The following TMEM117 variants were observed in gnomAD, a reference collection of about 807,000 sequenced individuals.
TMEM117 encodes transmembrane protein 117.
In TMEM117, 27 loss-of-function variants were observed where a neutral mutation model predicts 52.4. That is an observed-to-expected ratio of 0.51 (90% CI 0.38 to 0.71). The LOEUF is 0.71. Ranked by LOEUF, TMEM117 falls within the 30% of genes least tolerant of loss-of-function variation. The pLI, the probability that TMEM117 is intolerant of heterozygous loss-of-function variation, is 0.00. For synonymous variants in TMEM117, 215 were observed against 206.3 expected (o/e 1.04, Z -0.36); for missense variants, 556 against 630.5 (o/e 0.88, Z 1.26).
intron 3 of TMEM117, 41 bp from the exon 4 acceptor site, chr12:44,143,482 ACT>A: frequency 1.3e-6 from 2 of 1,482,426 alleles, no homozygotes; most frequent in Non-Finnish European, 9.3e-7. Flanking sequence ...TAACTGTATG[ACT>A]CTCTGAGTCC....
intron 4 of TMEM117, among the ~76,000 whole-genome samples, chr12:44,179,394 C>T (rs1436131177): frequency 6.6e-6 from 1 of 152,172 alleles, no homozygotes; most frequent in Non-Finnish European, 1.5e-5. Flanking sequence ...ACAATGCAAG[C>T]ATCAGTCTGA....
chr12:44,047,252 G>T lies in TMEM117; in HGVS notation c.411-96273G>T, dbSNP rs548050438. Reference sequence around the variant, plus strand: ...TTGATTCTGTTATTTTTTGCTCTCTGCATTCAGGTTGCTTATTTCCTCTTG... The same window carrying T: ...TTGATTCTGTTATTTTTTGCTCTCTTCATTCAGGTTGCTTATTTCCTCTTG... On this transcript the variant is annotated intron_variant, in intron 3 of 7. Transcript: ENST00000266534. Among the ~76,000 whole-genome samples, 12 of 152,140 alleles carry T rather than the reference G, an allele frequency of 7.9e-5. No individual in the cohort carries two copies. The South Asian group carries it at 2.5e-3, about 31-fold the overall frequency.
At chr12:44,021,420 A>G (rs1226029941) in intron 3 of TMEM117, among the ~76,000 whole-genome samples, 1 of 152,182 alleles carries the variant, frequency 6.6e-6, no homozygotes, top group African/African-American at 2.4e-5. Flanking sequence ...AGCCTCATCC[A>G]TGTTCCTGTG....
chr12:44,319,224 C>G (rs1951099539), intron 6 of TMEM117, among the ~76,000 whole-genome samples: 1 of 152,172 alleles, frequency 6.6e-6, no homozygotes, highest in Admixed American at 6.5e-5. Flanking sequence ...TTGTATGCAC[C>G]TGGATTAAAA....
intron 2 of TMEM117, among the ~76,000 whole-genome samples, chr12:43,918,122 T>C (rs1225404810): frequency 6.6e-6 from 1 of 152,160 alleles, no homozygotes; most frequent in Non-Finnish European, 1.5e-5. Context: ...TTGACAAAAA[T>C]ATAGCCTACA....
intron 2 of TMEM117, among the ~76,000 whole-genome samples, chr12:43,892,449 C>T (rs1295104706): frequency 6.6e-6 from 1 of 152,116 alleles, no homozygotes; most frequent in Non-Finnish European, 1.5e-5. Flanking sequence ...TAAGCCATAT[C>T]GTTTATATAA....
intron 7 of TMEM117, among the ~76,000 whole-genome samples, chr12:44,377,546 T>C (rs1951959250): frequency 6.6e-6 from 1 of 152,214 alleles, no homozygotes. Context: ...TCATGACATA[T>C]CAGTCATTCT....
chr12:44,266,373 C>T (rs774606268), intron 5 of TMEM117, among the ~76,000 whole-genome samples: 4 of 152,056 alleles, frequency 2.6e-5, no homozygotes, highest in African/African-American at 4.8e-5. Context: ...TTCCTAATGA[C>T]TATACTGAGC....
chr12:44,117,384 G>A (rs971410754), intron 3 of TMEM117, among the ~76,000 whole-genome samples: 1 of 151,892 alleles, frequency 6.6e-6, no homozygotes, highest in African/African-American at 2.4e-5. Context: ...TCAAGGTGTT[G>A]CAGTTGTCCT....
At chr12:44,050,187 T>C (rs1359838590) in intron 3 of TMEM117, among the ~76,000 whole-genome samples, 4 of 152,182 alleles carry the variant, frequency 2.6e-5, no homozygotes, top group Non-Finnish European at 5.9e-5. Context: ...CAGAGCTTCT[T>C]TGTTTTTGAG....
chr12:43,820,516 G>A, the TMEM117 span, among the ~76,000 whole-genome samples: 3 of 149,232 alleles, frequency 2.0e-5, no homozygotes, highest in South Asian at 6.4e-4. Flanking sequence ...CTCGTGATCC[G>A]CCCACCTCAG....
chr12:44,263,108 C>G (rs1404551022), intron 5 of TMEM117, among the ~76,000 whole-genome samples: 1 of 152,034 alleles, frequency 6.6e-6, no homozygotes, highest in South Asian at 2.1e-4. Context: ...TTTAAATAGG[C>G]TGGTGTTTGA....
chr12:43,952,078 G>A (rs1013490962), intron 3 of TMEM117, among the ~76,000 whole-genome samples: 1 of 152,036 alleles, frequency 6.6e-6, no homozygotes, highest in Non-Finnish European at 1.5e-5. Context: ...CAAACAGAAA[G>A]CAACAATAAC....
At chr12:44,027,987 C>T (rs904448609) in intron 3 of TMEM117, among the ~76,000 whole-genome samples, 3 of 152,054 alleles carry the variant, frequency 2.0e-5, no homozygotes, top group African/African-American at 4.8e-5. Flanking sequence ...GAGCGGATCA[C>T]GAGGTCAGGA....
At chr12:44,385,394 A>C (rs1952074916) in intron 7 of TMEM117, among the ~76,000 whole-genome samples, 1 of 152,156 alleles carries the variant, frequency 6.6e-6, no homozygotes, top group Non-Finnish European at 1.5e-5. Flanking sequence ...AAAATAATTA[A>C]ATAGTGCTGG....
intron 7 of TMEM117, among the ~76,000 whole-genome samples, chr12:44,380,556 C>G (rs964430149): frequency 6.6e-6 from 1 of 152,174 alleles, no homozygotes; most frequent in Non-Finnish European, 1.5e-5. Flanking sequence ...AGCTTTGCTA[C>G]TTACTGGTGG....
At chr12:44,222,872 T>G (rs754260139) in intron 5 of TMEM117, among the ~76,000 whole-genome samples, 2 of 152,178 alleles carry the variant, frequency 1.3e-5, no homozygotes, top group Non-Finnish European at 2.9e-5. Flanking sequence ...AAACTAGGCT[T>G]TCTAGCAATA....
Position 43,896,697 on chromosome 12 carries a change from G to A in TMEM117, c.278-47513G>A, listed in dbSNP as rs557370546. Among the ~76,000 whole-genome samples the A allele has an allele frequency of 3.9e-3, 601 of 152,192 alleles. 2 individuals are homozygous for A. The highest frequency in any genetic ancestry group is 0.014 in the African/African-American group (572 of 41,510). On this transcript the variant is annotated intron_variant, in intron 2 of 7. Transcript: ENST00000266534. ...TTCTCAGGCCATGGCCTTTGCTGGA[G>A]GCTTTGTTGGCCATGGTTATAGCAT...
At chr12:44,340,982 C>T (rs1032999044) in intron 6 of TMEM117, among the ~76,000 whole-genome samples, 1 of 151,964 alleles carries the variant, frequency 6.6e-6, no homozygotes, top group East Asian at 1.9e-4. Context: ...CATTGTCTAT[C>T]ATTCCATTTT....
Sources: gnomAD v4.1 joint callset for allele counts (sites outside exome capture counted in the v4.1 genomes callset) on GRCh38, gnomAD v4.1.1 for gene constraint, MANE v1.5 for transcripts, NCBI Gene and HGNC (gene_info 2026-07-23, HGNC 2026-07-21) for gene names.